Variants in TLE3 observed in about 807,000 individuals in gnomAD.
TLE3 encodes transducin-like enhancer protein 3.
Under a neutral mutation model 93.0 loss-of-function variants are expected in TLE3, and 14 were observed. The observed-to-expected ratio is 0.15, with a 90% CI of 0.10 to 0.24. The LOEUF (loss-of-function observed/expected upper bound fraction) is 0.24, where lower values mean the gene tolerates loss of function less well. TLE3 is among the 10% of genes least tolerant of loss of function. TLE3 has a pLI of 1.00. For missense variants in TLE3, 693 were observed against 1,046.6 expected, an observed-to-expected ratio of 0.66 and a Z score of 4.66; for synonymous variants, 451 against 425.0, an observed-to-expected ratio of 1.06 and a Z score of -0.75.
intron 19 of TLE3, 82 bp from the exon 20 acceptor site, chr15:70,050,286 C>A: frequency 9.3e-7 from 1 of 1,073,816 alleles, no homozygotes. Flanking sequence ...TTCCAGTGCT[C>A]AACACCATCT....
chr15:70,054,937 G>A, intron 15 of TLE3, 112 bp downstream of exon 15: 2 of 1,433,706 alleles, frequency 1.4e-6, no homozygotes, highest in Non-Finnish European at 1.8e-6. Context: ...CTTGCCTAAA[G>A]TTGCTCAGCC....
rs1212317033 is a variant in TLE3, at chr15:70,058,374, C to T, written c.919-83G>A. ...CGGGCACAACTGGTGCCGGTCCCAA[C>T]GTGAAGCCCAGAGCCAGACCCTTAT... On this transcript the variant is annotated intron_variant, in intron 11 of 19. Coordinates refer to ENST00000451782, the MANE Select transcript of TLE3 (RefSeq NM_001105192.3). The surrounding 1 kb of genome is among the most constrained non-coding windows in gnomAD (Gnocchi z 4.1). 31 of 1,523,230 alleles carry T rather than the reference C, an allele frequency of 2.0e-5. No individual in the cohort carries two copies. Among genetic ancestry groups the T allele is most frequent in the Admixed American group, 8.5e-5 (4 of 47,106 alleles). The allele number at this position is 1,523,230 out of a possible 1,614,324, so 94.4% of individuals were successfully genotyped here.
At position 70,057,534 on chromosome 15, in the gene TLE3, G is replaced by A. The variant is rs2056156288; in HGVS notation, c.1176C>T (p.Ile392=). The A allele has an allele frequency of 6.2e-7, 1 of 1,607,012 alleles. No individual in the cohort carries two copies. The highest frequency in any genetic ancestry group is 1.3e-5 in the African/African-American group (1 of 74,876). Residue 392 remains isoleucine (I), a synonymous_variant, in exon 13 of 20, where the codon ATC becomes ATT. Transcript: ENST00000451782. ...CGGCGGCGGCGCTCATCTGGGGTGG[G>A]ATGTTGTGGAGGCCGGCGTAGGCGC... The part of the protein sequence containing the change: ...SPGAYAGLHN[I]PPQMSAAAAA...
intron 6 of TLE3, among the ~76,000 whole-genome samples, chr15:70,070,796 C>T (rs1026980996): frequency 2.0e-5 from 3 of 152,216 alleles, no homozygotes; most frequent in African/African-American, 7.2e-5. Flanking sequence ...CTTGGCCATC[C>T]TTTCCCCTCA....
chr15:70,083,990 C>T (rs1253203842), intron 4 of TLE3, among the ~76,000 whole-genome samples: 2 of 152,164 alleles, frequency 1.3e-5, no homozygotes, highest in Non-Finnish European at 2.9e-5. Flanking sequence ...ATAAGGAAGG[C>T]AGGAGTGATG....
chr15:70,096,450 G>T, intron 1 of TLE3, 189 bp from the exon 2 acceptor site: 5 of 1,201,160 alleles, frequency 4.2e-6, no homozygotes, highest in Non-Finnish European at 5.7e-6. Flanking sequence ...CGGCAGCGGG[G>T]CTCCCATGCC....
chr15:70,063,363 T>A lies in TLE3; in HGVS notation c.594+1091A>T, dbSNP rs548180772. On this transcript the variant is annotated intron_variant, in intron 8 of 19. Coordinates refer to ENST00000451782, the MANE Select transcript of TLE3 (RefSeq NM_001105192.3). ...ATGGATTTTCAGCTTCAATGACTCC[T>A]CTCTTAGGTACCTAGCCATTCCTCA... 8.5e-5 allele frequency among the ~76,000 whole-genome samples: 13 copies of A among 152,326 alleles called. No individual in the cohort carries two copies. The East Asian group carries it at 2.5e-3, about 29-fold the overall frequency.
intron 14 of TLE3, chr15:70,056,044 G>T: frequency 1.7e-6 from 1 of 573,504 alleles, no homozygotes; most frequent in South Asian, 2.0e-5. Context: ...CAGCCCAGTG[G>T]CCATGTACTT....
At chr15:70,066,824 G>T in intron 6 of TLE3, 1 of 231,918 alleles carries the variant, frequency 4.3e-6, no homozygotes, top group South Asian at 4.0e-5. Context: ...GGGGTAACTG[G>T]AAGAGTGGAG....
At chr15:70,092,663 G>A (rs530108561) in intron 4 of TLE3, among the ~76,000 whole-genome samples, 18 of 152,318 alleles carry the variant, frequency 1.2e-4, no homozygotes, top group African/African-American at 4.1e-4. Flanking sequence ...AATCCCAGAT[G>A]TACACAGCTG....
At chr15:70,064,147 A>G (rs1217436212) in intron 8 of TLE3, among the ~76,000 whole-genome samples, 1 of 152,210 alleles carries the variant, frequency 6.6e-6, no homozygotes, top group African/African-American at 2.4e-5. Flanking sequence ...GCCTGGAGAG[A>G]GGAAGGGCTT....
intron 4 of TLE3, among the ~76,000 whole-genome samples, chr15:70,090,099 A>G (rs867443716): frequency 1.3e-5 from 2 of 152,184 alleles, no homozygotes; most frequent in African/African-American, 4.8e-5. Flanking sequence ...TGGCAACTAG[A>G]GAAAAGGGGT....
chr15:70,094,563 G>T lies in TLE3; in HGVS notation c.203C>A (p.Ser68Tyr). ...GTGCATTTCAATGTTCAAGCCATAG[G>T]ACATCTCATAGTACTAAAAGTAAAA... ...QRHYVMYYEM[S>Y]YGLNIEMHKQ... The change falls in exon 4 of 20, where the codon TCC becomes TAC. Residue 68 changes from serine to tyrosine, a missense_variant. By Grantham distance (144) the Ser-to-Tyr change is moderately radical. Transcript: ENST00000451782. 6.4e-7 allele frequency: 1 copy of T among 1,557,888 alleles called. No individual in the cohort carries two copies. Among genetic ancestry groups the T allele is most frequent in the South Asian group, 1.2e-5 (1 of 83,514 alleles).
chr15:70,058,025 A>T lies in TLE3; in HGVS notation c.1051+134T>A. 1 of 1,382,202 alleles carries T rather than the reference A, an allele frequency of 7.2e-7. No individual in the cohort carries two copies. The allele number at this position is 1,382,202 out of a possible 1,614,324, so 85.6% of individuals were successfully genotyped here. A position where few individuals can be genotyped will look rare whatever the true frequency, so the allele number is the denominator to read the frequency against. ...GTCACCTCCTCAAATCTGACCGTGA[A>T]GTCCCCAGGGGCAGGCCCTGGGAGA... On this transcript the variant is annotated intron_variant, in intron 12 of 19. Transcript: ENST00000451782. This position sits in a 1 kb window ranked among gnomAD's most constrained non-coding sequence, Gnocchi z 4.1.
chr15:70,080,999 T>C (rs2057749157), intron 4 of TLE3, among the ~76,000 whole-genome samples: 1 of 152,182 alleles, frequency 6.6e-6, no homozygotes, highest in African/African-American at 2.4e-5. Context: ...TGTGTACCTG[T>C]GGACTCTGAA....
chr15:70,096,949 TC>T lies in TLE3; in HGVS notation c.-152del. On this transcript the variant is annotated 5_prime_UTR_variant, in exon 1 of 20. Coordinates refer to ENST00000451782, the MANE Select transcript of TLE3 (RefSeq NM_001105192.3). ...CCCCCAGCTCGTTCTCGCAGCGAAA[TC>T]CCAGAGTCGGGCGCCCGCCCCAAGT... 1 of 919,530 alleles carries T rather than the reference TC, an allele frequency of 1.1e-6. No homozygotes were observed. Among genetic ancestry groups the T allele is most frequent in the Non-Finnish European group, 1.7e-6 (1 of 598,770 alleles). The allele number at this position is 919,530 out of a possible 1,614,324, so 57.0% of individuals were successfully genotyped here. A position where few individuals can be genotyped will look rare whatever the true frequency, so the allele number is the denominator to read the frequency against.
intron 12 of TLE3, chr15:70,057,952 T>A: frequency 1.2e-6 from 1 of 860,740 alleles, no homozygotes; most frequent in Non-Finnish European, 1.8e-6. Flanking sequence ...CTGACCCGTC[T>A]GATGCTGCTT....
chr15:70,070,474 G>A (rs998918991), intron 6 of TLE3, among the ~76,000 whole-genome samples: 2 of 152,190 alleles, frequency 1.3e-5, no homozygotes, highest in African/African-American at 4.8e-5. Flanking sequence ...GTCAGACAGG[G>A]TCCTGACAGC....
chr15:70,086,688 A>T (rs964748208), intron 4 of TLE3, among the ~76,000 whole-genome samples: 2 of 152,254 alleles, frequency 1.3e-5, no homozygotes, highest in Non-Finnish European at 2.9e-5. Context: ...CAGTAGAAGA[A>T]CTGTGAACAA....
Sources: gnomAD v4.1 joint callset for allele counts (sites outside exome capture counted in the v4.1 genomes callset) on GRCh38, gnomAD v4.1.1 for gene constraint, Gnocchi (gnomAD v3.1) non-coding constraint, MANE v1.5 for transcripts, NCBI Gene and HGNC (gene_info 2026-07-23, HGNC 2026-07-21) for gene names.